Variants in ARHGAP20 observed in about 807,000 individuals in gnomAD.
ARHGAP20 encodes the protein Rho GTPase activating protein 20.
Under a neutral mutation model 73.7 loss-of-function variants are expected in ARHGAP20, and 34 were observed. The observed-to-expected ratio is 0.46, with a 90% CI of 0.35 to 0.61. ARHGAP20 has a LOEUF of 0.61. Ranked by LOEUF, ARHGAP20 falls within the 20% of genes least tolerant of loss-of-function variation. ARHGAP20 has a pLI of 0.00. For missense variants in ARHGAP20, 1,314 were observed against 1,420.9 expected, an observed-to-expected ratio of 0.92 and a Z score of 1.21; for synonymous variants, 523 against 518.2, an observed-to-expected ratio of 1.01 and a Z score of -0.13.
chr11:110,651,029 A>T (rs889303518), intron 2 of ARHGAP20, among the ~76,000 whole-genome samples: 4 of 152,158 alleles, frequency 2.6e-5, no homozygotes, highest in African/African-American at 9.6e-5. Flanking sequence ...AACTGAAATC[A>T]TAACAGTCTC....
At chr11:110,604,007 T>G (rs1280631670) in intron 9 of ARHGAP20, among the ~76,000 whole-genome samples, 1 of 152,194 alleles carries the variant, frequency 6.6e-6, no homozygotes, top group Non-Finnish European at 1.5e-5. Flanking sequence ...TAGATTTGTA[T>G]TACATAAAAT....
In ARHGAP20 at chr11:110,580,297, ATCC is replaced by A. The variant is rs763871273; in HGVS notation, c.2646_2648del (p.Glu882del). 24 of 1,614,072 alleles carry A rather than the reference ATCC, an allele frequency of 1.5e-5. No individual in the cohort carries two copies. The highest frequency in any genetic ancestry group is 1.5e-4 in the African/African-American group (11 of 74,914). ...GCAAAGACTTATGCCGTTTGAGATAATCCTCCTCTCCATGCAAGAGACCAGCTT... is the reference window on the plus strand; with the variant it reads ...GCAAAGACTTATGCCGTTTGAGATAATCCTCTCCATGCAAGAGACCAGCTT... On this transcript the variant is annotated inframe_deletion, in exon 15 of 15. Transcript: ENST00000683387.
chr11:110,689,498 T>C (rs1445447267), intron 2 of ARHGAP20, among the ~76,000 whole-genome samples: 1 of 152,140 alleles, frequency 6.6e-6, no homozygotes, highest in Non-Finnish European at 1.5e-5. Context: ...TAATGAATAT[T>C]TGAATTTCAA....
At chr11:110,673,179 C>T (rs191371417) in intron 2 of ARHGAP20, among the ~76,000 whole-genome samples, 2 of 152,190 alleles carry the variant, frequency 1.3e-5, no homozygotes, top group African/African-American at 4.8e-5. Context: ...CCAAAAGATC[C>T]TAAACTTTAT....
At chr11:110,630,821 T>C in intron 2 of ARHGAP20, 29 bp from the exon 3 acceptor site, 1 of 1,601,126 alleles carries the variant, frequency 6.2e-7, no homozygotes, top group Non-Finnish European at 8.5e-7. Context: ...CACAGATCAG[T>C]CAAACGATCA....
chr11:110,616,432 G>A (rs754542763), intron 4 of ARHGAP20, among the ~76,000 whole-genome samples: 3 of 152,100 alleles, frequency 2.0e-5, no homozygotes, highest in Admixed American at 2.0e-4. Context: ...GAGTATAGAG[G>A]CATGATCATG....
At chr11:110,585,758 C>T (rs953077900) in intron 12 of ARHGAP20, among the ~76,000 whole-genome samples, 2 of 152,094 alleles carry the variant, frequency 1.3e-5, no homozygotes, top group Non-Finnish European at 2.9e-5. Context: ...CTTTGCTGTG[C>T]TTCCACAACA....
intron 5 of ARHGAP20, among the ~76,000 whole-genome samples, chr11:110,615,003 A>C (rs1948452829): frequency 6.6e-6 from 1 of 152,200 alleles, no homozygotes; most frequent in Non-Finnish European, 1.5e-5. Flanking sequence ...AGGCCAAACC[A>C]AAGCAATGAC....
intron 2 of ARHGAP20, among the ~76,000 whole-genome samples, chr11:110,677,930 T>C (rs1949965257): frequency 6.6e-6 from 1 of 152,174 alleles, no homozygotes; most frequent in Non-Finnish European, 1.5e-5. Flanking sequence ...ACATGAATGT[T>C]CACGGCATTA....
At chr11:110,633,386 A>G (rs1948899202) in intron 2 of ARHGAP20, among the ~76,000 whole-genome samples, 1 of 152,154 alleles carries the variant, frequency 6.6e-6, no homozygotes, top group African/African-American at 2.4e-5. Flanking sequence ...GGATTTATTG[A>G]TTCTTATGCT....
intron 11 of ARHGAP20, among the ~76,000 whole-genome samples, chr11:110,589,988 G>T (rs939560911): frequency 1.3e-5 from 2 of 152,084 alleles, no homozygotes; most frequent in African/African-American, 4.8e-5. Flanking sequence ...GGACCTGGTA[G>T]TGCAGGCTTG....
At chr11:110,618,472 T>A (rs1232471516) in intron 4 of ARHGAP20, among the ~76,000 whole-genome samples, 1 of 152,254 alleles carries the variant, frequency 6.6e-6, no homozygotes, top group Non-Finnish European at 1.5e-5. Context: ...TTTTGACTGA[T>A]TTTCCCATTC....
intron 2 of ARHGAP20, among the ~76,000 whole-genome samples, chr11:110,685,766 G>T (rs1024075421): frequency 4.6e-5 from 7 of 152,056 alleles, no homozygotes; most frequent in African/African-American, 1.2e-4. Context: ...AAAGTAGTAA[G>T]GTTCTACAGC....
upstream of ARHGAP20, chr11:110,712,551 C>G (rs574630938): frequency 1.3e-5 from 2 of 153,100 alleles, no homozygotes; most frequent in Admixed American, 6.5e-5. Context: ...CTCCTCCAGC[C>G]TGGGCCCTCC....
intron 8 of ARHGAP20, 114 bp from the exon 9 acceptor site, chr11:110,606,863 C>T: frequency 1.1e-6 from 1 of 918,970 alleles, no homozygotes; most frequent in Non-Finnish European, 1.5e-6. Context: ...CATAAAGAAT[C>T]CCTTTGTTTG....
intron 1 of ARHGAP20, chr11:110,711,678 G>A: frequency 2.1e-6 from 3 of 1,459,820 alleles, no homozygotes; most frequent in Non-Finnish European, 2.7e-6. Context: ...GCCGGCTGCC[G>A]CTCCCGGGCA....
In ARHGAP20 at chr11:110,577,751, T is replaced by C; in HGVS notation, c.*1619A>G. On this transcript the variant is annotated 3_prime_UTR_variant, in exon 15 of 15. Transcript: ENST00000683387. Reference sequence around the variant, plus strand: ...ACAGAGTTCTAAAAGATCATTGTAATGGTTAGCGCAAACAGGGCCATGTCC... The same window carrying C: ...ACAGAGTTCTAAAAGATCATTGTAACGGTTAGCGCAAACAGGGCCATGTCC... The C allele has an allele frequency of 3.0e-6, 3 of 985,876 alleles. No homozygotes were observed. Among genetic ancestry groups the C allele is most frequent in the Non-Finnish European group, 3.6e-6 (3 of 829,944 alleles). The allele number at this position is 985,876 out of a possible 1,614,324, so 61.1% of individuals were successfully genotyped here.
intron 2 of ARHGAP20, among the ~76,000 whole-genome samples, chr11:110,632,402 A>G (rs1170479241): frequency 6.6e-6 from 1 of 152,006 alleles, no homozygotes; most frequent in African/African-American, 2.4e-5. Context: ...GCCTTTAATT[A>G]GGATTTTTTT....
At chr11:110,668,143 C>T (rs1949760401) in intron 2 of ARHGAP20, among the ~76,000 whole-genome samples, 1 of 152,106 alleles carries the variant, frequency 6.6e-6, no homozygotes, top group South Asian at 2.1e-4. Flanking sequence ...GAAAAATCTT[C>T]CGTGAAAGAA....
Sources: gnomAD v4.1 joint callset for allele counts (sites outside exome capture counted in the v4.1 genomes callset) on GRCh38, gnomAD v4.1.1 for gene constraint, MANE v1.5 for transcripts, NCBI Gene and HGNC (gene_info 2026-07-23, HGNC 2026-07-21) for gene names.